Variants in CACNA2D1 observed in about 807,000 individuals in gnomAD.
The protein encoded by CACNA2D1 is calcium voltage-gated channel auxiliary subunit alpha2delta 1.
CACNA2D1 carries 53 observed loss-of-function variants against 171.5 expected under a neutral mutation model. The observed-to-expected ratio is 0.31, with a 90% CI of 0.25 to 0.39. CACNA2D1 has a LOEUF of 0.39. CACNA2D1 is among the 10% of genes least tolerant of loss of function. The pLI, the probability that CACNA2D1 is intolerant of heterozygous loss-of-function variation, is 1.00. For missense variants in CACNA2D1, 903 were observed against 1,299.8 expected, an observed-to-expected ratio of 0.69 and a Z score of 4.69; for synonymous variants, 442 against 443.1, an observed-to-expected ratio of 1.00 and a Z score of 0.03.
intron 3 of CACNA2D1, among the ~76,000 whole-genome samples, chr7:82,311,513 C>T (rs1443233669): frequency 1.3e-5 from 2 of 151,998 alleles, no homozygotes; most frequent in Non-Finnish European, 2.9e-5. Flanking sequence ...TTACTTTTTA[C>T]AGTTCTTTTC....
intron 10 of CACNA2D1, among the ~76,000 whole-genome samples, chr7:82,047,891 G>A (rs1411779584): frequency 6.6e-6 from 1 of 152,178 alleles, no homozygotes; most frequent in Non-Finnish European, 1.5e-5. Flanking sequence ...CTGAGAGACA[G>A]TAGTCAGGGA....
At chr7:82,128,093 T>C (rs1790541502) in intron 5 of CACNA2D1, among the ~76,000 whole-genome samples, 1 of 148,332 alleles carries the variant, frequency 6.7e-6, no homozygotes, top group African/African-American at 2.5e-5. Flanking sequence ...CCAGCTAATT[T>C]TAGTTTTTTT....
At chr7:82,311,059 A>C (rs367810692) in intron 3 of CACNA2D1, among the ~76,000 whole-genome samples, 1 of 152,110 alleles carries the variant, frequency 6.6e-6, no homozygotes, top group Non-Finnish European at 1.5e-5. Flanking sequence ...ATATGTGTAT[A>C]AATTAATATG....
intron 1 of CACNA2D1, among the ~76,000 whole-genome samples, chr7:82,350,509 C>T (rs58917705): frequency 0.23 from 35,379 of 151,980 alleles, 4,302 homozygotes; most frequent in Middle Eastern, 0.41. Context: ...ACTAAAAATA[C>T]AAAAAACTAG....
intron 1 of CACNA2D1, among the ~76,000 whole-genome samples, chr7:82,370,548 G>GGGATGGATGGATGGAT (rs372328517): frequency 4.1e-5 from 3 of 73,104 alleles, no homozygotes; most frequent in Admixed American, 1.6e-4. Context: ...GGTAAATGGA[G>GGGATGGATGGATGGAT]GGATGGATGG....
intron 3 of CACNA2D1, among the ~76,000 whole-genome samples, chr7:82,213,792 A>C (rs2129230686): frequency 6.6e-6 from 1 of 152,218 alleles, no homozygotes; most frequent in East Asian, 1.9e-4. Flanking sequence ...TTTTAGCCTC[A>C]AAATATCCTA....
At position 82,005,966 on chromosome 7, in the gene CACNA2D1, G is replaced by A. The variant is rs534882190; in HGVS notation, c.1441-127C>T. On this transcript the variant is annotated intron_variant, in intron 16 of 38. Transcript: ENST00000356860. ...ACATTAGTTTAAATGTATATATAGGGTGAAGCACTCTCAGTGTCAATTTAC... is the reference window on the plus strand; with the variant it reads ...ACATTAGTTTAAATGTATATATAGGATGAAGCACTCTCAGTGTCAATTTAC... 7.4e-4 allele frequency: 523 copies of A among 708,618 alleles called. 10 individuals carry two copies. In the South Asian group the frequency reaches 7.8e-3, roughly 11 times the overall value. 43.9% of individuals were successfully genotyped at this position (708,618 alleles called of 1,614,324 possible).
chr7:82,184,864 T>C (rs1158341265), intron 3 of CACNA2D1, among the ~76,000 whole-genome samples: 1 of 152,224 alleles, frequency 6.6e-6, no homozygotes, highest in Non-Finnish European at 1.5e-5. Flanking sequence ...TTTCACTACT[T>C]ACTCTTTACC....
intron 25 of CACNA2D1, among the ~76,000 whole-genome samples, chr7:81,974,067 CATT>C (rs1399488911): frequency 6.6e-5 from 10 of 151,696 alleles, no homozygotes; most frequent in African/African-American, 1.9e-4. Flanking sequence ...TATTAAAACT[CATT>C]ATATTATTTG....
At chr7:82,014,569 G>C in intron 12 of CACNA2D1, 90 bp from the exon 13 acceptor site, 1 of 748,494 alleles carries the variant, frequency 1.3e-6, no homozygotes, top group Non-Finnish European at 2.4e-6. Flanking sequence ...ATTGAAAAGA[G>C]TGCTTTCCAG....
chr7:82,153,902 G>C (rs1157792068), intron 4 of CACNA2D1, among the ~76,000 whole-genome samples: 1 of 151,696 alleles, frequency 6.6e-6, no homozygotes, highest in Non-Finnish European at 1.5e-5. Context: ...AATGATAATA[G>C]TTTTAAAGAA....
chr7:82,256,255 C>G (rs1396607083), intron 3 of CACNA2D1, among the ~76,000 whole-genome samples: 1 of 152,078 alleles, frequency 6.6e-6, no homozygotes, highest in Non-Finnish European at 1.5e-5. Flanking sequence ...GATTGTACTA[C>G]TGTACTACAG....
chr7:82,178,120 G>T (rs1358107643), intron 3 of CACNA2D1, among the ~76,000 whole-genome samples: 1 of 152,080 alleles, frequency 6.6e-6, no homozygotes, highest in East Asian at 1.9e-4. Context: ...CTGAAATAAA[G>T]CCAGTCATTT....
At chr7:81,991,558 G>T (rs1490961336) in intron 20 of CACNA2D1, among the ~76,000 whole-genome samples, 2 of 152,130 alleles carry the variant, frequency 1.3e-5, no homozygotes, top group African/African-American at 4.8e-5. Context: ...ACAAGGCTCG[G>T]ATATGTCCAT....
rs561147720 is a variant in CACNA2D1 at position 82,069,410 on chromosome 7, T to G, written c.659-2886A>C. Among the ~76,000 whole-genome samples, 14 of 152,306 alleles carry G rather than the reference T, an allele frequency of 9.2e-5. No homozygotes were observed. The South Asian group carries it at 2.9e-3, about 32-fold the overall frequency. ...GAGAACTGAAAATGACAGTTCACAA[T>G]GTAGACGTCTCTTTTTTGAATGTCA... is the stretch of plus-strand genomic sequence containing the variant. On this transcript the variant is annotated intron_variant, in intron 7 of 38. Transcript: ENST00000356860.
chr7:82,126,295 CTTG>C (rs926171936), intron 5 of CACNA2D1, among the ~76,000 whole-genome samples: 2 of 152,020 alleles, frequency 1.3e-5, no homozygotes, highest in African/African-American at 4.8e-5. Flanking sequence ...ACATGTATGC[CTTG>C]TTATTTAGAA....
intron 3 of CACNA2D1, among the ~76,000 whole-genome samples, chr7:82,332,441 CAAT>C (rs1817422571): frequency 2.0e-5 from 3 of 150,916 alleles, no homozygotes; most frequent in Admixed American, 6.6e-5. Context: ...TACACTACAA[CAAT>C]ATCTTGGATA....
chr7:82,041,188 A>G (rs1042319638), intron 10 of CACNA2D1, among the ~76,000 whole-genome samples: 1 of 152,038 alleles, frequency 6.6e-6, no homozygotes, highest in Admixed American at 6.6e-5. Flanking sequence ...AGAAAAGTCT[A>G]TTTTAAAGCT....
chr7:82,367,855 G>A (rs1292090053), intron 1 of CACNA2D1, among the ~76,000 whole-genome samples: 1 of 151,722 alleles, frequency 6.6e-6, no homozygotes, highest in African/African-American at 2.4e-5. Context: ...AATAATCTTA[G>A]CTGACACAGA....
Sources: gnomAD v4.1 joint callset for allele counts (sites outside exome capture counted in the v4.1 genomes callset) on GRCh38, gnomAD v4.1.1 for gene constraint, MANE v1.5 for transcripts, NCBI Gene and HGNC (gene_info 2026-07-23, HGNC 2026-07-21) for gene names.